FGL1: variants seen among roughly 807,000 people sequenced by gnomAD.
FGL1 encodes fibrinogen like 1.
A neutral mutation model predicts 43.7 loss-of-function variants in FGL1; 59 were observed. That is an observed-to-expected ratio of 1.35 (90% CI 1.10 to 1.68). FGL1 has a LOEUF of 1.68. Ranked by LOEUF, FGL1 falls within the 40% of genes most tolerant of loss-of-function variation. The probability of loss-of-function intolerance (pLI) is 0.00; values close to 1 mark genes in which losing one functional copy is unlikely to be tolerated. For missense variants in FGL1, 596 were observed against 373.0 expected, an observed-to-expected ratio of 1.60 and a Z score of -4.92; for synonymous variants, 192 against 126.5, an observed-to-expected ratio of 1.52 and a Z score of -3.48.
intron 7 of FGL1, among the ~76,000 whole-genome samples, chr8:17,866,106 A>T (rs1245332779): frequency 6.6e-6 from 1 of 152,178 alleles, no homozygotes. Flanking sequence ...TGCTAACTAT[A>T]TTTTTATATT....
Position 17,872,740 on chromosome 8 carries a change from G to A in FGL1, c.502+1279C>T, listed in dbSNP as rs937683018. Among the ~76,000 whole-genome samples, 19 of 152,278 alleles carry A rather than the reference G, an allele frequency of 1.2e-4. 1 individual carries two copies. The East Asian group carries it at 2.9e-3, about 23-fold the overall frequency. On this transcript the variant is annotated intron_variant, in intron 5 of 7. Transcript: ENST00000427924. The stretch of plus-strand genomic sequence containing the variant: ...CTACAACAGAGGTAGGGAAGACAAT[G>A]GATTGGAGCAAAAGAACATGGGAGA...
chr8:17,887,401 T>G (rs1399521369), intron 1 of FGL1, among the ~76,000 whole-genome samples: 1 of 152,200 alleles, frequency 6.6e-6, no homozygotes, highest in Admixed American at 6.5e-5. Context: ...ACGTAAGTCT[T>G]CTTTCTGAAG....
intron 7 of FGL1, among the ~76,000 whole-genome samples, chr8:17,867,071 G>GT (rs1482370711): frequency 6.6e-6 from 1 of 151,964 alleles, no homozygotes; most frequent in Non-Finnish European, 1.5e-5. Flanking sequence ...GGACTCAAAT[G>GT]TTTTTTTAAA....
intron 3 of FGL1, among the ~76,000 whole-genome samples, chr8:17,880,180 T>C (rs574182863): frequency 3.3e-5 from 5 of 152,284 alleles, no homozygotes; most frequent in African/African-American, 7.2e-5. Context: ...CTCTGGCCTC[T>C]TTCTGATCTC....
At chr8:17,895,389 G>GA in intron 1 of FGL1, 58 bp downstream of exon 1, 1 of 1,275,026 alleles carries the variant, frequency 7.8e-7, no homozygotes, top group South Asian at 1.3e-5. Context: ...TCATACCTGT[G>GA]AAATAAATTA....
rs1194339385 is a variant in FGL1 at position 17,894,328 on chromosome 8, A to T, written c.-18+1119T>A. ...ATAGGACTATAATGCTTAGGACTAT[A>T]ACCTAAGTCAGTGAGTTAAAAATGT... is the stretch of plus-strand genomic sequence containing the variant. On this transcript the variant is annotated intron_variant, in intron 1 of 7. Transcript: ENST00000427924. 1.6e-4 allele frequency among the ~76,000 whole-genome samples: 23 copies of T among 147,180 alleles called. 3 individuals carry two copies. The highest frequency in any genetic ancestry group is 1.5e-3 in the Admixed American group (23 of 15,000).
intron 3 of FGL1, among the ~76,000 whole-genome samples, chr8:17,875,674 G>A (rs1010291883): frequency 4.0e-5 from 6 of 150,822 alleles, no homozygotes; most frequent in Non-Finnish European, 5.9e-5. Flanking sequence ...GTGCTATTTC[G>A]GCTCACTACA....
In FGL1 at chr8:17,873,354, A is replaced by G. The variant is rs532502846; in HGVS notation, c.502+665T>C. The stretch of plus-strand genomic sequence containing the variant: ...AGCTAGCTGGAAGATGAGAGACCCT[A>G]TGGAGCCAGGTTGAATCCTTCCATC... On this transcript the variant is annotated intron_variant, in intron 5 of 7. Transcript: ENST00000427924. 1.4e-4 allele frequency among the ~76,000 whole-genome samples: 21 copies of G among 152,228 alleles called. No homozygotes were observed. The East Asian group carries it at 3.9e-3, about 28-fold the overall frequency.
intron 3 of FGL1, among the ~76,000 whole-genome samples, chr8:17,880,438 C>G (rs577249551): frequency 2.6e-4 from 40 of 152,276 alleles, no homozygotes; most frequent in Non-Finnish European, 5.9e-4. Flanking sequence ...GTTTCTATTC[C>G]CATAAGATTG....
chr8:17,895,297 C>G (rs1315480520), intron 1 of FGL1, 150 bp downstream of exon 1: 4 of 1,067,520 alleles, frequency 3.7e-6, no homozygotes, highest in Non-Finnish European at 3.5e-6. Context: ...AATCTCTTCT[C>G]CAAGTAGCAG....
intron 7 of FGL1, among the ~76,000 whole-genome samples, chr8:17,865,796 C>A (rs963290470): frequency 5.9e-5 from 9 of 152,098 alleles, no homozygotes; most frequent in Non-Finnish European, 1.2e-4. Flanking sequence ...AGAGGTAGTT[C>A]TGAACATCTA....
At chr8:17,871,062 C>A (rs2053352365) in intron 5 of FGL1, among the ~76,000 whole-genome samples, 2 of 152,048 alleles carry the variant, frequency 1.3e-5, no homozygotes, top group African/African-American at 2.4e-5. Flanking sequence ...GTGATGCGGG[C>A]CTCTCTTGGG....
Position 17,874,363 on chromosome 8 carries a change from T to A in FGL1, c.403A>T (p.Arg135Ter), listed in dbSNP as rs988226157. The change falls in exon 4 of 8, where the codon AGA (arginine) becomes TGA (stop). Residue 135 changes from arginine (R) to a stop codon, truncating the protein, a stop_gained and splice_region_variant. Transcript: ENST00000427924. LOFTEE classifies it high-confidence loss of function. ...RRSDGSENFN[R>*]GWKDYENGFG... ...AGTCTTACATCATAATTAGCACACC[T>A]GTTAAAGTTTTCACTGCCATCAGAT... The A allele has an allele frequency of 9.9e-6, 16 of 1,612,220 alleles. No homozygotes were observed. The highest frequency in any genetic ancestry group is 1.4e-5 in the Non-Finnish European group (16 of 1,179,416).
chr8:17,895,366 G>C lies in FGL1; in HGVS notation c.-18+81C>G, dbSNP rs2053759634. 3 of 1,237,906 alleles carry C rather than the reference G, an allele frequency of 2.4e-6. No individual in the cohort carries two copies. In the African/African-American group the frequency reaches 4.6e-5, roughly 19 times the overall value. 76.7% of individuals were successfully genotyped at this position (1,237,906 alleles called of 1,614,324 possible). Reference sequence around the variant, plus strand: ...GCAAAAGCTAATGGTTGTTACCTGAGTTTTGGTTACTATCATACCTGTGAA... The same window carrying C: ...GCAAAAGCTAATGGTTGTTACCTGACTTTTGGTTACTATCATACCTGTGAA... On this transcript the variant is annotated intron_variant, in intron 1 of 7. Transcript: ENST00000427924.
At chr8:17,880,101 G>C (rs191993241) in intron 3 of FGL1, among the ~76,000 whole-genome samples, 536 of 152,242 alleles carry the variant, frequency 3.5e-3, no homozygotes, top group Non-Finnish European at 6.1e-3. Flanking sequence ...ACTGTCCCTG[G>C]TTCCTCTTGG....
chr8:17,866,123 A>C (rs1037952764), intron 7 of FGL1, among the ~76,000 whole-genome samples: 1 of 152,206 alleles, frequency 6.6e-6, no homozygotes, highest in African/African-American at 2.4e-5. Context: ...TATTTGGTCT[A>C]TCATTTGAAT....
In FGL1 at chr8:17,882,165, A is replaced by T. The variant is rs754896945; in HGVS notation, c.78T>A (p.Cys26Ter). The change falls in exon 3 of 8, where the codon TGT (cysteine) becomes TGA (stop). Residue 26 changes from cysteine (C) to a stop codon, truncating the protein, a stop_gained. Transcript: ENST00000427924. LOFTEE classifies it high-confidence loss of function. The part of the protein sequence containing the change: ...MGREISALED[C>*]AQEQMRLRAQ... The stretch of plus-strand genomic sequence containing the variant: ...CTCTGAGCCGCATCTGCTCCTGGGC[A>T]CAGTCCTCGAGCGCCTGCAAAACAG... The T allele has an allele frequency of 1.9e-6, 3 of 1,613,604 alleles. No homozygotes were observed. The highest frequency in any genetic ancestry group is 2.5e-6 in the Non-Finnish European group (3 of 1,179,942).
At chr8:17,868,888 G>C (rs758894433) in intron 6 of FGL1, 28 bp downstream of exon 6, 1 of 1,528,396 alleles carries the variant, frequency 6.5e-7, no homozygotes, top group Non-Finnish European at 8.9e-7. Context: ...ATTTATTCAC[G>C]GTTTTACTTC....
intron 3 of FGL1, among the ~76,000 whole-genome samples, chr8:17,880,147 T>A (rs183209484): frequency 5.3e-5 from 8 of 152,264 alleles, no homozygotes; most frequent in African/African-American, 1.9e-4. Context: ...GCTATAGCCA[T>A]CCCCACTACT....
Sources: allele counts gnomAD v4.1 joint callset (sites outside exome capture counted in the v4.1 genomes callset), GRCh38; gene constraint gnomAD v4.1.1; transcripts MANE v1.5; gene names NCBI Gene and HGNC (gene_info 2026-07-23, HGNC 2026-07-21).